The following SHISA9 variants were observed in gnomAD, a reference collection of about 807,000 sequenced individuals.
SHISA9 encodes the protein shisa family member 9, also known as protein shisa-9.
Under a neutral mutation model 38.0 loss-of-function variants are expected in SHISA9, and 13 were observed. That is an observed-to-expected ratio of 0.34 (90% CI 0.22 to 0.54). The LOEUF is 0.54. SHISA9 is among the 20% of genes least tolerant of loss of function. SHISA9 has a pLI of 0.91. For missense variants in SHISA9, 538 were observed against 575.8 expected, an observed-to-expected ratio of 0.93 and a Z score of 0.67; for synonymous variants, 275 against 242.0, an observed-to-expected ratio of 1.14 and a Z score of -1.27.
chr16:13,251,670 C>T, the SHISA9 span, among the ~76,000 whole-genome samples: 151 of 152,142 alleles, frequency 9.9e-4, 2 homozygotes, highest in Non-Finnish European at 4.0e-4. Context: ...TTGAGGTTGG[C>T]TTTTCATCCT....
At chr16:13,460,034 A>G in the SHISA9 span, among the ~76,000 whole-genome samples, 4 of 152,066 alleles carry the variant, frequency 2.6e-5, no homozygotes, top group African/African-American at 9.7e-5. Context: ...GAGCCTCCCA[A>G]AGTGCTGGGA....
the SHISA9 span, among the ~76,000 whole-genome samples, chr16:13,553,659 C>T: frequency 6.7e-6 from 1 of 149,736 alleles, no homozygotes; most frequent in Non-Finnish European, 1.5e-5. Flanking sequence ...TTTTGAATAA[C>T]TGAGCTGCTA....
chr16:13,116,462 G>T (rs949186881), intron 2 of SHISA9, among the ~76,000 whole-genome samples: 1 of 152,158 alleles, frequency 6.6e-6, no homozygotes, highest in African/African-American at 2.4e-5. Flanking sequence ...TGAAATTTCA[G>T]ATGTGAAAGT....
the SHISA9 span, among the ~76,000 whole-genome samples, chr16:13,318,552 T>C: frequency 6.6e-6 from 1 of 152,058 alleles, no homozygotes; most frequent in Admixed American, 6.5e-5. Flanking sequence ...TCTCAAACTC[T>C]TGACCTCAGG....
the SHISA9 span, among the ~76,000 whole-genome samples, chr16:13,510,891 A>C: frequency 6.6e-6 from 1 of 152,302 alleles, no homozygotes; most frequent in African/African-American, 2.4e-5. Flanking sequence ...CCACTGTAGT[A>C]GAAACTGTTA....
chr16:12,902,746 C>T (rs867301945), intron 1 of SHISA9, 119 bp downstream of exon 1: 19 of 1,089,150 alleles, frequency 1.7e-5, no homozygotes, highest in Middle Eastern at 5.2e-4. Flanking sequence ...CCAGCCTCTC[C>T]GCTGGGGGAT....
At chr16:13,161,591 G>A (rs949209711) in intron 2 of SHISA9, among the ~76,000 whole-genome samples, 3 of 152,066 alleles carry the variant, frequency 2.0e-5, no homozygotes, top group African/African-American at 4.8e-5. Flanking sequence ...CCCCTCCTAC[G>A]TTGGTCCAGA....
At chr16:13,115,722 C>T (rs1392915928) in intron 2 of SHISA9, among the ~76,000 whole-genome samples, 1 of 152,168 alleles carries the variant, frequency 6.6e-6, no homozygotes, top group African/African-American at 2.4e-5. Flanking sequence ...CATATGATGG[C>T]CTAGTCAGAC....
intron 2 of SHISA9, among the ~76,000 whole-genome samples, chr16:13,032,050 A>G (rs1047896744): frequency 1.3e-5 from 2 of 151,898 alleles, no homozygotes; most frequent in African/African-American, 2.4e-5. Flanking sequence ...ATACATGTGC[A>G]GAACATGCAG....
chr16:13,057,375 G>A (rs1036657454), intron 2 of SHISA9, among the ~76,000 whole-genome samples: 9 of 152,284 alleles, frequency 5.9e-5, no homozygotes, highest in Non-Finnish European at 1.2e-4. Flanking sequence ...CGGATTCACC[G>A]TATCCTAATT....
the SHISA9 span, among the ~76,000 whole-genome samples, chr16:13,538,451 G>T: frequency 6.6e-6 from 1 of 152,088 alleles, no homozygotes; most frequent in Non-Finnish European, 1.5e-5. Context: ...TCACATCTTA[G>T]AGCTTGTCAT....
chr16:13,098,897 C>A (rs1243078926), intron 2 of SHISA9, among the ~76,000 whole-genome samples: 5 of 152,232 alleles, frequency 3.3e-5, no homozygotes, highest in African/African-American at 1.2e-4. Flanking sequence ...GTTTCTTCAT[C>A]TGCAAAATGG....
chr16:13,272,270 C>G, the SHISA9 span, among the ~76,000 whole-genome samples: 1 of 152,106 alleles, frequency 6.6e-6, no homozygotes, highest in African/African-American at 2.4e-5. Context: ...TGATCGCCGA[C>G]AGTTTCAAAG....
chr16:13,431,929 C>T, the SHISA9 span, among the ~76,000 whole-genome samples: 1 of 152,078 alleles, frequency 6.6e-6, no homozygotes, highest in Non-Finnish European at 1.5e-5. Context: ...GGCTTGGTGG[C>T]ACACGCCTGC....
At chr16:13,431,305 G>T in the SHISA9 span, among the ~76,000 whole-genome samples, 29 of 152,172 alleles carry the variant, frequency 1.9e-4, no homozygotes, top group Admixed American at 1.9e-3. Context: ...ATGTCTTGGA[G>T]TGGGCAAATA....
chr16:13,367,712 G>GCGCGCGCACACACACA, the SHISA9 span, among the ~76,000 whole-genome samples: 4 of 104,634 alleles, frequency 3.8e-5, no homozygotes, highest in African/African-American at 1.4e-4. Context: ...GCGCGCGCGC[G>GCGCGCGCACACACACA]CACACACACA....
chr16:13,290,582 T>C, the SHISA9 span, among the ~76,000 whole-genome samples: 2 of 152,134 alleles, frequency 1.3e-5, no homozygotes, highest in African/African-American at 4.8e-5. Flanking sequence ...AACTAAACCA[T>C]TAAGGAAAAT....
chr16:12,936,935 C>A (rs989338765), intron 2 of SHISA9, among the ~76,000 whole-genome samples: 2 of 152,066 alleles, frequency 1.3e-5, no homozygotes, highest in East Asian at 3.9e-4. Context: ...GGCTAGAGGG[C>A]GGTGGGGTTT....
chr16:13,416,410 C>T, the SHISA9 span, among the ~76,000 whole-genome samples: 1 of 152,164 alleles, frequency 6.6e-6, no homozygotes. Context: ...CATATTCAAA[C>T]AGGAGCAGCC....
Sources: allele counts gnomAD v4.1 joint callset (sites outside exome capture counted in the v4.1 genomes callset), GRCh38; gene constraint gnomAD v4.1.1; transcripts MANE v1.5; gene names NCBI Gene and HGNC (gene_info 2026-07-23, HGNC 2026-07-21).